The following CASD1 variants were observed in gnomAD, a reference collection of about 807,000 sequenced individuals.
CASD1 encodes the protein CAS1 domain sialic acid O acetyltransferase 1.
In CASD1, 41 loss-of-function variants were observed where a neutral mutation model predicts 100.0. That is an observed-to-expected ratio of 0.41 (90% CI 0.32 to 0.53). The LOEUF is 0.53. CASD1 is among the 20% of genes least tolerant of loss of function. The pLI is 0.25. For missense variants in CASD1, 774 were observed against 948.7 expected, an observed-to-expected ratio of 0.82 and a Z score of 2.42; for synonymous variants, 321 against 315.6, an observed-to-expected ratio of 1.02 and a Z score of -0.18.
rs914513030 is a variant in CASD1 at position 94,510,215 on chromosome 7, G to A, written c.131G>A (p.Arg44Gln). Residue 44 changes from arginine to glutamine, a missense_variant and splice_region_variant, in exon 1 of 18, where the codon CGA becomes CAA. Physicochemically the swap from Arg to Gln is conservative, Grantham distance 43. This residue lies in a region of CASD1 where 75 missense variants were observed against 60.9 expected (regional missense o/e 1.23). Coordinates refer to ENST00000297273, the MANE Select transcript of CASD1 (RefSeq NM_022900.5). ...TGCCACCTCGCCTCCCGCCGCTACC[G>A]AGGTGAGCGGGCCCTCCCCTCTGCC... Reference protein sequence around the residue: ...AACHLASRRYRGNDSCEYLLS... With the variant: ...AACHLASRRYQGNDSCEYLLS... 4.0e-6 allele frequency: 6 copies of A among 1,503,714 alleles called. No homozygotes were observed. In the African/African-American group the frequency reaches 5.8e-5, roughly 15 times the overall value. 93.1% of individuals were successfully genotyped at this position (1,503,714 alleles called of 1,614,324 possible).
chr7:94,606,074 C>T, the CASD1 span, among the ~76,000 whole-genome samples: 3 of 152,128 alleles, frequency 2.0e-5, no homozygotes, highest in African/African-American at 7.2e-5. Flanking sequence ...GGTGATCTGC[C>T]TGCCTCTGCC....
At chr7:94,519,579 C>CA (rs1395991708) in intron 3 of CASD1, among the ~76,000 whole-genome samples, 41 of 152,032 alleles carry the variant, frequency 2.7e-4, no homozygotes, top group Non-Finnish European at 4.7e-4. Context: ...TGCATTTATA[C>CA]ATATGAAATT....
At position 94,556,445 on chromosome 7, in the gene CASD1, C is replaced by T. The variant is rs752406460; in HGVS notation, c.*687C>T. The T allele has an allele frequency of 6.6e-6, 1 of 151,952 alleles. No homozygotes were observed. The highest frequency in any genetic ancestry group is 2.4e-5 in the African/African-American group (1 of 41,428). The allele number at this position is 151,952 out of a possible 1,614,324, so 9.4% of individuals were successfully genotyped here. On this transcript the variant is annotated 3_prime_UTR_variant, in exon 18 of 18. Transcript: ENST00000297273. ...GTCATTGTTGATGTTATTGTTGCTT[C>T]GTTTTATAAAAAAGCCAAAATTTTT...
intron 16 of CASD1, among the ~76,000 whole-genome samples, chr7:94,552,798 G>A (rs980435806): frequency 9.2e-5 from 14 of 152,132 alleles, no homozygotes; most frequent in South Asian, 8.3e-4. Flanking sequence ...TTAGCTGGGC[G>A]TGGTGGCGGG....
intron 5 of CASD1, among the ~76,000 whole-genome samples, chr7:94,532,376 A>G (rs1192538786): frequency 6.6e-6 from 1 of 152,158 alleles, no homozygotes; most frequent in Non-Finnish European, 1.5e-5. Context: ...TTACTTTAAC[A>G]CAAGGATTGT....
downstream of CASD1, among the ~76,000 whole-genome samples, chr7:94,561,099 T>G (rs144505836): frequency 0.011 from 1,745 of 152,050 alleles, 34 homozygotes; most frequent in African/African-American, 0.04. Context: ...TACAAAAAAT[T>G]AGCCAGGTGT....
the CASD1 span, among the ~76,000 whole-genome samples, chr7:94,616,235 G>A: frequency 6.6e-6 from 1 of 152,108 alleles, no homozygotes; most frequent in Non-Finnish European, 1.5e-5. Context: ...ACTACTGAGG[G>A]CTACTCTTGG....
At chr7:94,518,070 G>A (rs1794066770) in intron 2 of CASD1, 133 bp from the exon 3 acceptor site, 1 of 816,386 alleles carries the variant, frequency 1.2e-6, no homozygotes, top group Non-Finnish European at 1.9e-6. Flanking sequence ...AAACAAACCT[G>A]GCCACCTGCT....
chr7:94,558,904 A>G (rs1351315740), downstream of CASD1, among the ~76,000 whole-genome samples: 2 of 151,936 alleles, frequency 1.3e-5, no homozygotes, highest in Admixed American at 6.6e-5. Context: ...GGTTCAAGCA[A>G]TTCTCCTGCC....
rs375416144 is a variant in CASD1 at position 94,546,985 on chromosome 7, CTTATA to C, written c.1634-106_1634-102del. The C allele has an allele frequency of 1.5e-3, 903 of 602,484 alleles. 7 individuals are homozygous for C. In the African/African-American group the frequency reaches 0.016, roughly 10 times the overall value. The allele number at this position is 602,484 out of a possible 1,614,324, so 37.3% of individuals were successfully genotyped here. A position where few individuals can be genotyped will look rare whatever the true frequency, so the allele number is the denominator to read the frequency against. On this transcript the variant is annotated intron_variant, in intron 12 of 17. Transcript: ENST00000297273. ...TATTTTGTGTATTCTTGTAAGCATT[CTTATA>C]TTATTTTAAGAACTATTCAGCATGT...
At chr7:94,554,108 A>C (rs1184148005) in intron 16 of CASD1, 1 of 155,926 alleles carries the variant, frequency 6.4e-6, no homozygotes, top group Non-Finnish European at 1.4e-5. Context: ...ACTGTCAACC[A>C]AGCAGATACT....
chr7:94,615,361 AATAAATAGATAGATAGATAGATAG>A, the CASD1 span, among the ~76,000 whole-genome samples: 4 of 132,158 alleles, frequency 3.0e-5, no homozygotes, highest in African/African-American at 1.2e-4. Flanking sequence ...TCTGTCTCAA[AATAAATAGATAGATAGATAGATAG>A]ATAGATAGAT....
downstream of CASD1, among the ~76,000 whole-genome samples, chr7:94,558,132 A>C (rs893946146): frequency 1.6e-4 from 24 of 152,202 alleles, no homozygotes; most frequent in Non-Finnish European, 3.2e-4. Flanking sequence ...TTCCTTTGCC[A>C]AAACTTCCCA....
chr7:94,535,556 G>C, intron 8 of CASD1, 33 bp downstream of exon 8: 2 of 1,441,776 alleles, frequency 1.4e-6, no homozygotes, highest in Non-Finnish European at 2.0e-6. Context: ...AGTAGATGGA[G>C]ACTATAATAT....
At chr7:94,519,208 T>A (rs1794127888) in intron 3 of CASD1, among the ~76,000 whole-genome samples, 1 of 152,190 alleles carries the variant, frequency 6.6e-6, no homozygotes, top group Non-Finnish European at 1.5e-5. Flanking sequence ...TATTAATTAA[T>A]TAGTTCATTA....
the CASD1 span, among the ~76,000 whole-genome samples, chr7:94,623,090 G>A: frequency 6.6e-6 from 1 of 152,088 alleles, no homozygotes. Context: ...AAAAGGCTTA[G>A]AGAAATAAGA....
chr7:94,533,272 A>T (rs1034798173), intron 6 of CASD1, 23 bp downstream of exon 6: 25 of 1,590,610 alleles, frequency 1.6e-5, no homozygotes, highest in Non-Finnish European at 2.1e-5. Context: ...CTGTATTCTT[A>T]CTTAATGATT....
At chr7:94,619,324 A>G in the CASD1 span, 1 of 182,486 alleles carries the variant, frequency 5.5e-6, no homozygotes, top group South Asian at 1.1e-4. Context: ...AAAATCAATT[A>G]TATGTCCAAA....
intron 13 of CASD1, 123 bp downstream of exon 13, chr7:94,547,298 T>G (rs1393405242): frequency 3.3e-6 from 2 of 605,722 alleles, no homozygotes; most frequent in East Asian, 5.9e-5. Flanking sequence ...GTAATAAAAG[T>G]GTCACTCTGA....
Sources: allele counts gnomAD v4.1 joint callset (sites outside exome capture counted in the v4.1 genomes callset), GRCh38; gene constraint gnomAD v4.1.1; regional missense constraint gnomAD v4.1.1; transcripts MANE v1.5; gene names NCBI Gene and HGNC (gene_info 2026-07-23, HGNC 2026-07-21).